Variants in ARSJ observed in about 807,000 individuals in gnomAD.
The protein encoded by ARSJ is arylsulfatase family member J, also known as arylsulfatase J.
ARSJ carries 26 observed loss-of-function variants against 35.9 expected under a neutral mutation model. The ratio of observed to expected loss-of-function variants is 0.72; its 90% CI spans 0.53 to 1.00. The LOEUF (loss-of-function observed/expected upper bound fraction) is 1.00, where lower values mean the gene tolerates loss of function less well. Ranked by LOEUF, ARSJ falls within the 50% of genes least tolerant of loss-of-function variation. The probability of loss-of-function intolerance (pLI) is 0.00; values close to 1 mark genes in which losing one functional copy is unlikely to be tolerated. For missense variants in ARSJ, 667 were observed against 723.6 expected, an observed-to-expected ratio of 0.92 and a Z score of 0.90; for synonymous variants, 294 against 267.6, an observed-to-expected ratio of 1.10 and a Z score of -0.96.
At chr4:113,959,852 C>T (rs1457014774) in intron 1 of ARSJ, among the ~76,000 whole-genome samples, 1 of 151,998 alleles carries the variant, frequency 6.6e-6, no homozygotes, top group Non-Finnish European at 1.5e-5. Flanking sequence ...TCAGAATATT[C>T]CCAACCTTGT....
chr4:113,943,499 G>T (rs1334468319), intron 1 of ARSJ: 1 of 152,002 alleles, frequency 6.6e-6, no homozygotes. Flanking sequence ...ACTACTTTGT[G>T]CCAGGTACTA....
intron 1 of ARSJ, among the ~76,000 whole-genome samples, chr4:113,920,963 A>G (rs1723635900): frequency 6.6e-6 from 1 of 152,110 alleles, no homozygotes; most frequent in Non-Finnish European, 1.5e-5. Flanking sequence ...AGACTGGAAC[A>G]TTAAAGCTGG....
At chr4:113,937,743 C>G (rs954933972) in intron 1 of ARSJ, among the ~76,000 whole-genome samples, 1 of 151,814 alleles carries the variant, frequency 6.6e-6, no homozygotes, top group African/African-American at 2.4e-5. Context: ...TATACACCAA[C>G]AGCAGAGAAG....
chr4:113,933,899 G>A (rs1456329166), intron 1 of ARSJ, among the ~76,000 whole-genome samples: 1 of 151,614 alleles, frequency 6.6e-6, no homozygotes, highest in Non-Finnish European at 1.5e-5. Context: ...AGAGCAATTA[G>A]GCAAGAGAAA....
At chr4:113,952,656 T>C (rs938865557) in intron 1 of ARSJ, among the ~76,000 whole-genome samples, 2 of 151,960 alleles carry the variant, frequency 1.3e-5, no homozygotes, top group Non-Finnish European at 2.9e-5. Flanking sequence ...GGCTGAGAAC[T>C]AGGTACAGGA....
chr4:113,916,999 C>T (rs985087140), intron 1 of ARSJ, among the ~76,000 whole-genome samples: 1 of 152,152 alleles, frequency 6.6e-6, no homozygotes, highest in Non-Finnish European at 1.5e-5. Flanking sequence ...GGATACATCT[C>T]AGCTGGGATA....
chr4:113,964,746 C>T (rs183818332), intron 1 of ARSJ, among the ~76,000 whole-genome samples: 1 of 152,124 alleles, frequency 6.6e-6, no homozygotes, highest in East Asian at 1.9e-4. Context: ...GTTCCCAGAC[C>T]AGCAACTTCA....
Position 113,901,458 on chromosome 4 carries a change from G to A in ARSJ, c.*816C>T, listed in dbSNP as rs1282716904. 1 of 114,682 alleles carries A rather than the reference G, an allele frequency of 8.7e-6. No homozygotes were observed. The highest frequency in any genetic ancestry group is 2.1e-5 in the Non-Finnish European group (1 of 47,670). 7.1% of individuals were successfully genotyped at this position (114,682 alleles called of 1,614,324 possible). A position where few individuals can be genotyped will look rare whatever the true frequency, so the allele number is the denominator to read the frequency against. On this transcript the variant is annotated 3_prime_UTR_variant, in exon 2 of 2. Transcript: ENST00000315366. ...GAAATGAAATAAAATTATTCTAATG[G>A]TATGCAGGAAATAAAAATAAAATAA...
At chr4:113,918,291 T>A (rs1723446395) in intron 1 of ARSJ, among the ~76,000 whole-genome samples, 1 of 152,168 alleles carries the variant, frequency 6.6e-6, no homozygotes, top group South Asian at 2.1e-4. Context: ...TTAAAGAGAT[T>A]TGAAAAAATG....
intron 1 of ARSJ, among the ~76,000 whole-genome samples, chr4:113,953,486 A>ATGT (rs1725985927): frequency 1.3e-5 from 2 of 152,080 alleles, no homozygotes; most frequent in Admixed American, 1.3e-4. Context: ...ATGGCTTTTT[A>ATGT]AAAGTTATAT....
In ARSJ at chr4:113,902,194, G is replaced by A. The variant is rs1274823270; in HGVS notation, c.*80C>T. 3.1e-6 allele frequency: 5 copies of A among 1,599,344 alleles called. No homozygotes were observed. Among genetic ancestry groups the A allele is most frequent in the South Asian group, 1.1e-5 (1 of 90,808 alleles). On this transcript the variant is annotated 3_prime_UTR_variant, in exon 2 of 2. Transcript: ENST00000315366. ...ACGCTTAGGCCAGCGATATTATCGA[G>A]CCAAATTTGCTGGTTTACCTAGGAA...
intron 1 of ARSJ, among the ~76,000 whole-genome samples, chr4:113,912,294 A>G (rs1722965867): frequency 6.6e-6 from 1 of 152,194 alleles, no homozygotes; most frequent in Non-Finnish European, 1.5e-5. Flanking sequence ...GAAGAGTTTT[A>G]GAGTCAACTG....
chr4:113,949,361 A>G (rs867248875), intron 1 of ARSJ, among the ~76,000 whole-genome samples: 2 of 152,060 alleles, frequency 1.3e-5, no homozygotes, highest in Admixed American at 6.6e-5. Context: ...AACAACAACA[A>G]AACGAAATAT....
intron 1 of ARSJ, among the ~76,000 whole-genome samples, chr4:113,969,186 T>C (rs1727081653): frequency 6.6e-6 from 1 of 152,142 alleles, no homozygotes; most frequent in Non-Finnish European, 1.5e-5. Context: ...CTTAGCAGGG[T>C]TCCAATAGAT....
chr4:113,932,155 C>T (rs568917656), intron 1 of ARSJ, among the ~76,000 whole-genome samples: 6 of 152,046 alleles, frequency 3.9e-5, no homozygotes, highest in South Asian at 4.1e-4. Context: ...GTCAATTTAG[C>T]GAGACACTAC....
In ARSJ at chr4:113,978,651, C is replaced by T; in HGVS notation, c.184G>A (p.Ala62Thr). The T allele has an allele frequency of 6.2e-7, 1 of 1,614,196 alleles. No homozygotes were observed. Among genetic ancestry groups the T allele is most frequent in the Non-Finnish European group, 8.5e-7 (1 of 1,180,022 alleles). The change falls in exon 1 of 2, where the codon GCT becomes ACT. Residue 62 changes from alanine to threonine, a missense_variant. Transcript: ENST00000315366. ...GTGCTGGGCTCTAGTTTCTCTCCAGCTTGAGCTAGTAAGGCCCCTTCTTCC... is the reference window on the plus strand; with the variant it reads ...GTGCTGGGCTCTAGTTTCTCTCCAGTTTGAGCTAGTAAGGCCCCTTCTTCC... ...EEEEGALLAQ[A>T]GEKLEPSTTS...
intron 1 of ARSJ, among the ~76,000 whole-genome samples, chr4:113,977,592 A>G (rs1727667749): frequency 6.6e-6 from 1 of 152,188 alleles, no homozygotes; most frequent in African/African-American, 2.4e-5. Flanking sequence ...TCTTCGTTCC[A>G]CAGGCTGAAT....
chr4:113,909,937 A>T (rs1455470993), intron 1 of ARSJ, among the ~76,000 whole-genome samples: 1 of 152,188 alleles, frequency 6.6e-6, no homozygotes, highest in African/African-American at 2.4e-5. Context: ...TTCCACAAAC[A>T]TCGATTATAT....
chr4:113,926,688 T>A (rs1175666337), intron 1 of ARSJ, among the ~76,000 whole-genome samples: 1 of 152,150 alleles, frequency 6.6e-6, no homozygotes, highest in African/African-American at 2.4e-5. Flanking sequence ...GATGATGGAA[T>A]GCTGCTGTGC....
Sources: gnomAD v4.1 joint callset for allele counts (sites outside exome capture counted in the v4.1 genomes callset) on GRCh38, gnomAD v4.1.1 for gene constraint, MANE v1.5 for transcripts, NCBI Gene and HGNC (gene_info 2026-07-23, HGNC 2026-07-21) for gene names.